PRTN3: variants seen among roughly 807,000 people sequenced by gnomAD.
PRTN3 encodes the protein proteinase 3.
A neutral mutation model predicts 20.7 loss-of-function variants in PRTN3; 22 were observed. The ratio of observed to expected loss-of-function variants is 1.06; its 90% CI spans 0.76 to 1.52. The LOEUF (loss-of-function observed/expected upper bound fraction) is 1.52, where lower values mean the gene tolerates loss of function less well. PRTN3 is among the 40% of genes most tolerant of loss of function. The pLI is 0.00. For missense variants in PRTN3, 378 were observed against 359.6 expected, an observed-to-expected ratio of 1.05 and a Z score of -0.41; for synonymous variants, 173 against 152.9, an observed-to-expected ratio of 1.13 and a Z score of -0.97.
chr19:841,171 G>A (rs1268162743), intron 1 of PRTN3, 102 bp downstream of exon 1: 2 of 1,440,676 alleles, frequency 1.4e-6, no homozygotes, highest in African/African-American at 1.4e-5. Flanking sequence ...GCACAGCTGG[G>A]GAAACTGAGG....
At position 847,903 on chromosome 19, in the gene PRTN3, G is replaced by A; in HGVS notation, c.705G>A (p.Arg235=). Residue 235 remains arginine (R), a synonymous_variant, in exon 5 of 5, where the codon CGG becomes CGA. Coordinates refer to ENST00000234347, the MANE Select transcript of PRTN3 (RefSeq NM_002777.4). ...GCCTTTTCCCTGACTTCTTCACGCG[G>A]GTAGCCCTCTACGTGGACTGGATCC... is the stretch of plus-strand genomic sequence containing the variant. ...ATRLFPDFFT[R]VALYVDWIRS... 6.2e-7 allele frequency: 1 copy of A among 1,608,438 alleles called. No homozygotes were observed.
chr19:843,354 G>C, intron 1 of PRTN3, 107 bp from the exon 2 acceptor site: 1 of 1,240,090 alleles, frequency 8.1e-7, no homozygotes, highest in Non-Finnish European at 1.1e-6. Context: ...CACTGACCGG[G>C]TTGCAGATCG....
rs777229595 is a variant in PRTN3 at position 843,883 on chromosome 19, A to AC, written c.228-5dup. ...CAGGGCGCCGAGGAGTGACCACCCC[A>AC]CCCCCGCAGACCCCAGCGCCTGGTG... On this transcript the variant is annotated splice_polypyrimidine_tract_variant and intron_variant, in intron 2 of 4. Coordinates refer to ENST00000234347, the MANE Select transcript of PRTN3 (RefSeq NM_002777.4). 2.5e-6 allele frequency: 4 copies of AC among 1,576,450 alleles called. No individual in the cohort carries two copies. The Admixed American group carries it at 7.5e-5, about 29-fold the overall frequency.
intron 4 of PRTN3, among the ~76,000 whole-genome samples, 166 bp downstream of exon 4, chr19:846,543 G>A (rs980759769): frequency 1.4e-5 from 2 of 144,648 alleles, no homozygotes; most frequent in African/African-American, 5.8e-5. Flanking sequence ...TCAGCGGGGT[G>A]GGGGCGCTCA....
chr19:845,385 G>T (rs185460687), intron 3 of PRTN3, among the ~76,000 whole-genome samples: 2 of 151,908 alleles, frequency 1.3e-5, no homozygotes, highest in Non-Finnish European at 2.9e-5. Context: ...CTCCAGCCTC[G>T]GCGACAGAGC....
chr19:846,032 A>C, intron 3 of PRTN3, 115 bp from the exon 4 acceptor site: 1 of 642,090 alleles, frequency 1.6e-6, no homozygotes, highest in South Asian at 2.4e-5. Flanking sequence ...AGGCGGAGGG[A>C]GCGGCATCCG....
chr19:841,141 G>T (rs1050007702), intron 1 of PRTN3, 72 bp downstream of exon 1: 19 of 1,552,846 alleles, frequency 1.2e-5, no homozygotes, highest in African/African-American at 1.3e-5. Context: ...CCACCACGAG[G>T]TCCATCCAAA....
In PRTN3 at chr19:847,849, C is replaced by T. The variant is rs768225684; in HGVS notation, c.651C>T (p.Asp217=). ...GTGATGGCATCATCCAAGGAATAGA[C>T]TCCTTCGTGATCTGGGGATGTGCCA... is the stretch of plus-strand genomic sequence containing the variant. The part of the protein sequence containing the change: ...LICDGIIQGI[D]SFVIWGCATR... The change falls in exon 5 of 5, where the codon GAC becomes GAT. Residue 217 remains aspartate (D), a synonymous_variant. Transcript: ENST00000234347. 1.9e-6 allele frequency: 3 copies of T among 1,609,268 alleles called. No homozygotes were observed. The highest frequency in any genetic ancestry group is 1.3e-5 in the African/African-American group (1 of 75,018).
At chr19:844,554 T>C (rs373498302) in intron 3 of PRTN3, among the ~76,000 whole-genome samples, 1 of 135,702 alleles carries the variant, frequency 7.4e-6, no homozygotes, top group African/African-American at 2.8e-5. Context: ...CCCGGTGTGC[T>C]GTTCCCCCAG....
rs567710009 is a variant in PRTN3, at chr19:845,768, G to A, written c.370-379G>A. ...AAAGAAAACATGAATGAATGGCCGG[G>A]CACTATGGCTCACACTTGTAATCCC... On this transcript the variant is annotated intron_variant, in intron 3 of 4. Coordinates refer to ENST00000234347, the MANE Select transcript of PRTN3 (RefSeq NM_002777.4). Among the ~76,000 whole-genome samples the A allele has an allele frequency of 2.0e-5, 3 of 151,636 alleles. No individual in the cohort carries two copies. The South Asian group carries it at 6.3e-4, about 32-fold the overall frequency.
At chr19:843,248 C>T (rs2035467581) in intron 1 of PRTN3, 2 of 572,758 alleles carry the variant, frequency 3.5e-6, no homozygotes, top group Non-Finnish European at 6.1e-6. Flanking sequence ...CTTCCTGACT[C>T]TCAGGACTGA....
Position 847,861 on chromosome 19 carries a change from C to T in PRTN3, c.663C>T (p.Ile221=). The change falls in exon 5 of 5, where the codon ATC becomes ATT. Residue 221 remains isoleucine (I), a synonymous_variant. Transcript: ENST00000234347. ...TCCAAGGAATAGACTCCTTCGTGATCTGGGGATGTGCCACCCGCCTTTTCC... is the reference window on the plus strand; with the variant it reads ...TCCAAGGAATAGACTCCTTCGTGATTTGGGGATGTGCCACCCGCCTTTTCC... ...GIIQGIDSFV[I]WGCATRLFPD... is the part of the protein sequence containing the mutation. 1 of 1,608,486 alleles carries T rather than the reference C, an allele frequency of 6.2e-7. No homozygotes were observed. Among genetic ancestry groups the T allele is most frequent in the Non-Finnish European group, 8.5e-7 (1 of 1,177,218 alleles).
In PRTN3 at chr19:843,469, C is replaced by T; in HGVS notation, c.70C>T (p.Arg24Ter). Residue 24 changes from arginine to a stop codon, truncating the protein, a stop_gained, in exon 2 of 5, where the codon CGA becomes TGA. Transcript: ENST00000234347. LOFTEE classifies it high-confidence loss of function. ...GGACTCCCCCCCTGCAGGTGCTGCC[C>T]GAGCTGCGGAGATCGTGGGCGGGCA... ...LLALLLSGAARAAEIVGGHEA... is the reference protein window; with the variant it reads ...LLALLLSGAA 1 of 1,567,036 alleles carries T rather than the reference C, an allele frequency of 6.4e-7. No homozygotes were observed. The highest frequency in any genetic ancestry group is 8.6e-7 in the Non-Finnish European group (1 of 1,161,140).
intron 1 of PRTN3, chr19:843,227 G>A (rs1410139305): frequency 3.7e-6 from 2 of 545,872 alleles, no homozygotes; most frequent in Non-Finnish European, 3.2e-6. Context: ...CCTGGTCTGC[G>A]TCTTAAAAGC....
Position 843,552 on chromosome 19 carries a change from G to T in PRTN3, c.153G>T (p.Pro51=). The part of the protein sequence containing the change: ...YMASLQMRGN[P]GSHFCGGTLI... ...CCTCCCTGCAGATGCGGGGGAACCC[G>T]GGCAGCCACTTCTGCGGAGGCACCT... is the stretch of plus-strand genomic sequence containing the variant. The change falls in exon 2 of 5, where the codon CCG becomes CCT. Residue 51 remains proline, a synonymous_variant. Coordinates refer to ENST00000234347, the MANE Select transcript of PRTN3 (RefSeq NM_002777.4). 1 of 1,600,046 alleles carries T rather than the reference G, an allele frequency of 6.2e-7. No homozygotes were observed.
At chr19:846,909 A>ATT (rs554573871) in intron 4 of PRTN3, among the ~76,000 whole-genome samples, 1 of 152,006 alleles carries the variant, frequency 6.6e-6, no homozygotes, top group African/African-American at 2.4e-5. Context: ...TGCCTGGCTA[A>ATT]TTTTTTTGGT....
At chr19:844,420 G>A (rs1423354859) in intron 3 of PRTN3, among the ~76,000 whole-genome samples, 1 of 49,460 alleles carries the variant, frequency 2.0e-5, no homozygotes, top group South Asian at 9.1e-4. Context: ...TCCCCTGCGC[G>A]CCTCTCCCCT....
At position 843,585 on chromosome 19, in the gene PRTN3, C is replaced by G; in HGVS notation, c.186C>G (p.His62Gln). The change falls in exon 2 of 5, where the codon CAC (histidine) becomes CAG (glutamine). Residue 62 changes from histidine to glutamine, a missense_variant. Coordinates refer to ENST00000234347, the MANE Select transcript of PRTN3 (RefSeq NM_002777.4). ...ACTTCTGCGGAGGCACCTTGATCCA[C>G]CCCAGCTTCGTGCTGACGGCCGCGC... is the stretch of plus-strand genomic sequence containing the variant. ...GSHFCGGTLI[H>Q]PSFVLTAAHC... 6.2e-7 allele frequency: 1 copy of G among 1,602,118 alleles called. No homozygotes were observed. The highest frequency in any genetic ancestry group is 8.5e-7 in the Non-Finnish European group (1 of 1,177,872).
At chr19:843,102 A>G (rs1327029508) in intron 1 of PRTN3, among the ~76,000 whole-genome samples, 2 of 151,372 alleles carry the variant, frequency 1.3e-5, no homozygotes, top group Non-Finnish European at 1.5e-5. Context: ...TTTTGTAGAG[A>G]TGGGGTCCTC....
Sources: gnomAD v4.1 joint callset for allele counts (sites outside exome capture counted in the v4.1 genomes callset) on GRCh38, gnomAD v4.1.1 for gene constraint, MANE v1.5 for transcripts, NCBI Gene and HGNC (gene_info 2026-07-23, HGNC 2026-07-21) for gene names.